AFF2: variants seen among roughly 807,000 people sequenced by gnomAD.
AFF2 encodes ALF transcription elongation factor 2, also known as AF4/FMR2 family member 2.
A neutral mutation model predicts 76.9 loss-of-function variants in AFF2; 14 were observed. The ratio of observed to expected loss-of-function variants is 0.18; its 90% CI spans 0.12 to 0.28. The LOEUF (loss-of-function observed/expected upper bound fraction) is 0.28, where lower values mean the gene tolerates loss of function less well. Among genes scored for constraint, AFF2 ranks in the 10% least tolerant of loss-of-function variants. The pLI is 1.00. For missense variants in AFF2, 868 were observed against 1,001.1 expected, an observed-to-expected ratio of 0.87 and a Z score of 1.79; for synonymous variants, 398 against 366.7, an observed-to-expected ratio of 1.09 and a Z score of -0.98.
At chrX:148,879,603 A>G (rs1353599546) in intron 7 of AFF2, among the ~76,000 whole-genome samples, 2 of 111,980 alleles carry the variant, frequency 1.8e-5, no homozygotes, top group Non-Finnish European at 3.8e-5. Context: ...TTTGGTAGCA[A>G]CTACTCAACC....
At position 148,987,393 on chromosome X, in the gene AFF2, A is replaced by G; in HGVS notation, c.3650A>G (p.Asn1217Ser). The G allele has an allele frequency of 8.3e-7, 1 of 1,210,564 alleles. No homozygotes were observed. The highest frequency in any genetic ancestry group is 1.1e-6 in the Non-Finnish European group (1 of 894,939). ...GKNTPSPVSL[N>S]NVSPINAMGN... ...AACACTCCATCCCCAGTGTCTCTCA[A>G]CAACGTCTCCCCCATCAACGCAATG... The change falls in exon 20 of 21, where the codon AAC becomes AGC. Residue 1217 changes from asparagine (N) to serine (S), a missense_variant. By Grantham distance (46) the Asn-to-Ser change is conservative (BLOSUM62 1). Transcript: ENST00000370460.
At chrX:148,873,353 A>G (rs2071000824) in intron 7 of AFF2, among the ~76,000 whole-genome samples, 1 of 110,460 alleles carries the variant, frequency 9.1e-6, no homozygotes, top group Admixed American at 9.7e-5. Context: ...CAGAGGAGAA[A>G]CTGCTGCAAC....
chrX:148,539,721 T>C (rs1216711438), intron 1 of AFF2, among the ~76,000 whole-genome samples: 1 of 110,985 alleles, frequency 9.0e-6, no homozygotes. Flanking sequence ...TTTGTTCAAG[T>C]GTTAACATTC....
intron 3 of AFF2, among the ~76,000 whole-genome samples, chrX:148,736,664 G>A: frequency 9.0e-6 from 1 of 111,484 alleles, no homozygotes; most frequent in Middle Eastern, 4.6e-3. Context: ...ATTTGCTTTG[G>A]GTTCTTGGTC....
intron 3 of AFF2, among the ~76,000 whole-genome samples, chrX:148,708,897 T>C (rs1272764951): frequency 3.6e-5 from 4 of 112,067 alleles, no homozygotes; most frequent in Non-Finnish European, 7.5e-5. Flanking sequence ...TTTCTGTATT[T>C]AGTAAGAAAT....
chrX:148,985,226 T>A (rs1557291338), intron 19 of AFF2, among the ~76,000 whole-genome samples: 5 of 102,331 alleles, frequency 4.9e-5, no homozygotes. Context: ...CCTCAGGTGA[T>A]CCGACCCCCT....
At chrX:148,667,836 C>A (rs782580679) in intron 3 of AFF2, among the ~76,000 whole-genome samples, 24 of 111,508 alleles carry the variant, frequency 2.2e-4, no homozygotes, top group Non-Finnish European at 4.3e-4. Context: ...ATTAATCCAC[C>A]CCCAGCCCCT....
chrX:148,839,894 G>GGTGTGTGTGTGTGTGT lies in AFF2; in HGVS notation c.1173+2188_1173+2203dup, dbSNP rs200060298. ...TGTTTCCCCATCTGTGTTGGGGCAT[G>GGTGTGTGTGTGTGTGT]GTGTGTGTGTGTGTGTGTGTGTGTG... On this transcript the variant is annotated intron_variant, in intron 5 of 20. Coordinates refer to ENST00000370460, the MANE Select transcript of AFF2 (RefSeq NM_002025.4). Among the ~76,000 whole-genome samples, 156 of 87,017 alleles carry GGTGTGTGTGTGTGTGT rather than the reference G, an allele frequency of 1.8e-3. 1 individual carries two copies. Among genetic ancestry groups the GGTGTGTGTGTGTGTGT allele is most frequent in the African/African-American group, 6.2e-3 (152 of 24,550 alleles). The allele number at this position is 87,017 out of a possible 115,157, so 75.6% of individuals were successfully genotyped here.
Position 148,998,750 on chromosome X carries a change from T to C in AFF2, c.*7418T>C, listed in dbSNP as rs1166842219. On this transcript the variant is annotated 3_prime_UTR_variant, in exon 21 of 21. Transcript: ENST00000370460. ...GTACTTCAGTCAAGACTTTTTAGGT[T>C]TATCTTTTTTTTTTCATTTCTCCTT... 5 of 111,438 alleles carry C rather than the reference T, an allele frequency of 4.5e-5. No homozygotes were observed. The highest frequency in any genetic ancestry group is 9.4e-5 in the Non-Finnish European group (5 of 53,025). The allele number at this position is 111,438 out of a possible 1,213,427, so 9.2% of individuals were successfully genotyped here.
rs185781540 is a variant in AFF2 at position 148,961,790 on chromosome X, A to G, written c.2691-925A>G. ...TTTGCCATTGAAAATTGTAGTCAAT[A>G]ATCATGAAAAGTAAATAGCTGCACA... On this transcript the variant is annotated intron_variant, in intron 12 of 20. Coordinates refer to ENST00000370460, the MANE Select transcript of AFF2 (RefSeq NM_002025.4). Among the ~76,000 whole-genome samples the G allele has an allele frequency of 4.4e-5, 5 of 113,064 alleles. No individual in the cohort carries two copies. The East Asian group carries it at 1.1e-3, about 25-fold the overall frequency.
intron 1 of AFF2, among the ~76,000 whole-genome samples, chrX:148,638,284 C>G (rs2054052356): frequency 9.0e-6 from 1 of 111,310 alleles, no homozygotes; most frequent in African/African-American, 3.3e-5. Flanking sequence ...TTTCGCATGA[C>G]AGGGGAGGCC....
intron 1 of AFF2, among the ~76,000 whole-genome samples, chrX:148,511,559 A>T (rs1318552075): frequency 8.9e-6 from 1 of 112,979 alleles, no homozygotes; most frequent in Admixed American, 9.3e-5. Flanking sequence ...TTTTAAAGAA[A>T]TCTATAAGAT....
chrX:148,559,220 G>T (rs925421597), intron 1 of AFF2, among the ~76,000 whole-genome samples: 4 of 111,187 alleles, frequency 3.6e-5, no homozygotes, highest in Admixed American at 2.9e-4. Flanking sequence ...ATTTTAATGT[G>T]GTATTTGTGA....
chrX:148,719,227 T>G (rs2055062893), intron 3 of AFF2: 1 of 1,145,286 alleles, frequency 8.7e-7, no homozygotes, highest in Admixed American at 2.6e-5. Flanking sequence ...TTCTTCAAGA[T>G]GAAGGTAGGC....
At chrX:148,847,262 A>G (rs1456296042) in intron 7 of AFF2, among the ~76,000 whole-genome samples, 1 of 112,106 alleles carries the variant, frequency 8.9e-6, no homozygotes, top group South Asian at 3.8e-4. Context: ...ATAAGATGTT[A>G]TTAAGTTGCC....
At position 148,559,334 on chromosome X, in the gene AFF2, C is replaced by T. The variant is rs183289819; in HGVS notation, c.47+58190C>T. Reference sequence around the variant, plus strand: ...TGTGGAGAACGTTACAGGATTATTACGTAGGTATACATGTGCCATGGTGGT... The same window carrying T: ...TGTGGAGAACGTTACAGGATTATTATGTAGGTATACATGTGCCATGGTGGT... On this transcript the variant is annotated intron_variant, in intron 1 of 20. Coordinates refer to ENST00000370460, the MANE Select transcript of AFF2 (RefSeq NM_002025.4). Among the ~76,000 whole-genome samples the T allele has an allele frequency of 2.3e-4, 25 of 110,990 alleles. No individual in the cohort carries two copies. In the East Asian group the frequency reaches 3.7e-3, roughly 16 times the overall value.
chrX:148,633,563 C>T (rs189339437), intron 1 of AFF2, among the ~76,000 whole-genome samples: 2 of 112,230 alleles, frequency 1.8e-5, no homozygotes, highest in Admixed American at 1.9e-4. Flanking sequence ...TTGAGACAAC[C>T]ACTTACAAAG....
chrX:148,770,842 A>G (rs1557268055), intron 3 of AFF2, among the ~76,000 whole-genome samples: 2 of 112,211 alleles, frequency 1.8e-5, no homozygotes, highest in Non-Finnish European at 3.8e-5. Context: ...AAGAGTTAAC[A>G]TTGCAGTACT....
At chrX:148,675,284 A>G (rs1220382180) in intron 3 of AFF2, among the ~76,000 whole-genome samples, 11 of 104,020 alleles carry the variant, frequency 1.1e-4, no homozygotes, top group Admixed American at 8.2e-4. Context: ...GTTGATGGAG[A>G]AAAAAAAAAA....
Sources: allele counts gnomAD v4.1 joint callset (sites outside exome capture counted in the v4.1 genomes callset), GRCh38; gene constraint gnomAD v4.1.1; transcripts MANE v1.5; gene names NCBI Gene and HGNC (gene_info 2026-07-23, HGNC 2026-07-21).